GLI3: variants seen among roughly 807,000 people sequenced by gnomAD.
GLI3 encodes transcription activator GLI3.
GLI3 carries 20 observed loss-of-function variants against 100.8 expected under a neutral mutation model. The ratio of observed to expected loss-of-function variants is 0.20; its 90% CI spans 0.14 to 0.29. The LOEUF (loss-of-function observed/expected upper bound fraction) is 0.29. Among genes scored for constraint, GLI3 ranks in the 10% least tolerant of loss-of-function variants. The pLI is 1.00. For missense variants in GLI3, 2,040 were observed against 2,128.5 expected (o/e 0.96, Z 0.82); for synonymous variants, 938 against 860.5 (o/e 1.09, Z -1.58).
At chr7:42,242,285 C>T (rs1190310591), upstream of GLI3, among the ~76,000 whole-genome samples, 1 of 152,186 alleles carries the variant, frequency 6.6e-6, no homozygotes, top group East Asian at 1.9e-4. Flanking sequence ...CCTCATTTGG[C>T]CACAGTCGCT....
intron 2 of GLI3, chr7:42,151,653 G>C (rs926243668): frequency 6.6e-6 from 1 of 152,192 alleles, no homozygotes; most frequent in African/African-American, 2.4e-5. Context: ...ACAGCTGCAA[G>C]CTCGGGGGTC....
intron 3 of GLI3, among the ~76,000 whole-genome samples, chr7:42,129,551 C>T (rs1283216974): frequency 6.6e-6 from 1 of 152,194 alleles, no homozygotes; most frequent in Non-Finnish European, 1.5e-5. Flanking sequence ...TGGCTCACGC[C>T]TGTAATCCCA....
At chr7:42,074,980 C>G (rs928400677) in intron 4 of GLI3, among the ~76,000 whole-genome samples, 2 of 152,102 alleles carry the variant, frequency 1.3e-5, no homozygotes, top group African/African-American at 4.8e-5. Flanking sequence ...TGTGACTCCC[C>G]CGACTCTGCC....
intron 3 of GLI3, among the ~76,000 whole-genome samples, chr7:42,131,572 A>T (rs1394841586): frequency 1.3e-5 from 2 of 152,178 alleles, no homozygotes; most frequent in Admixed American, 1.3e-4. Flanking sequence ...TGCTTTCTAG[A>T]TCTTCAACTT....
At position 42,103,889 on chromosome 7, in the gene GLI3, A is replaced by G. The variant is rs916282246; in HGVS notation, c.368-27032T>C. On this transcript the variant is annotated intron_variant, in intron 3 of 14. Coordinates refer to ENST00000395925, the MANE Select transcript of GLI3 (RefSeq NM_000168.6). ...TGCTACAATCTGATAATGCATTACC[A>G]TGAACCATAAATAATAACAGAGTTA... is the stretch of plus-strand genomic sequence containing the variant. Among the ~76,000 whole-genome samples, 5 of 152,322 alleles carry G rather than the reference A, an allele frequency of 3.3e-5. No homozygotes were observed. The South Asian group carries it at 1.0e-3, about 32-fold the overall frequency.
chr7:42,153,612 T>C (rs769605569), intron 2 of GLI3, among the ~76,000 whole-genome samples: 17 of 152,130 alleles, frequency 1.1e-4, no homozygotes, highest in Non-Finnish European at 2.4e-4. Context: ...GACCGGAGGA[T>C]ACTCAGATTT....
chr7:41,976,866 T>C (rs1012447101), intron 12 of GLI3, among the ~76,000 whole-genome samples: 2 of 152,218 alleles, frequency 1.3e-5, no homozygotes, highest in Admixed American at 1.3e-4. Flanking sequence ...GCAATGAATT[T>C]GGAATAATTT....
chr7:42,029,447 A>C (rs1160590566), intron 7 of GLI3, among the ~76,000 whole-genome samples: 2 of 152,208 alleles, frequency 1.3e-5, no homozygotes, highest in African/African-American at 4.8e-5. Flanking sequence ...CCCATGAGAA[A>C]GGATGCCTCC....
chr7:41,977,975 A>G, intron 11 of GLI3: 2 of 537,676 alleles, frequency 3.7e-6, no homozygotes, highest in Non-Finnish European at 3.3e-6. Context: ...AATGTGGACA[A>G]TGGGTTTCAT....
rs753737306 is a variant in GLI3 at position 42,223,133 on chromosome 7, T to C, written c.121A>G (p.Asn41Asp). ...TGGTAATCCCTGTGCTGCTCACCAT[T>C]AGAAGTGGTGCTGGAGGCAACGGCT... ...EKAVASSTTS[N>D]EDESPGQTYH... The change falls in exon 2 of 15, where the codon AAT becomes GAT. Residue 41 changes from asparagine (N) to aspartate (D), a missense_variant. Physicochemically the swap from Asn to Asp is conservative, Grantham distance 23 (BLOSUM62 1). This residue lies in a region of GLI3 where 603 missense variants were observed against 690.9 expected (regional missense o/e 0.87). Transcript: ENST00000395925. 3 of 1,613,854 alleles carry C rather than the reference T, an allele frequency of 1.9e-6. No individual in the cohort carries two copies. Among genetic ancestry groups the C allele is most frequent in the East Asian group, 2.2e-5 (1 of 44,884 alleles).
chr7:42,114,284 G>C (rs1785791468), intron 3 of GLI3, among the ~76,000 whole-genome samples: 2 of 152,122 alleles, frequency 1.3e-5, no homozygotes. Context: ...GACTTATTGG[G>C]TTTTATCTTG....
chr7:42,182,638 G>A lies in GLI3; in HGVS notation c.125-34170C>T, dbSNP rs1787616142. On this transcript the variant is annotated intron_variant, in intron 2 of 14. Transcript: ENST00000395925. ...CACATTTTTATATGCATATGTATAT[G>A]TGTGTGTATATATATATATATATAT... is the stretch of plus-strand genomic sequence containing the variant. 5.4e-5 allele frequency among the ~76,000 whole-genome samples: 3 copies of A among 55,576 alleles called. No homozygotes were observed. In the Admixed American group the frequency reaches 7.0e-4, roughly 13 times the overall value. 36.5% of individuals were successfully genotyped at this position (55,576 alleles called of 152,430 possible).
intron 6 of GLI3, among the ~76,000 whole-genome samples, chr7:42,040,781 C>T (rs1784120004): frequency 6.6e-6 from 1 of 152,220 alleles, no homozygotes; most frequent in South Asian, 2.1e-4. Flanking sequence ...ACTAAAACAA[C>T]TTCTACATAA....
In GLI3 at chr7:41,964,700, C is replaced by T; in HGVS notation, c.4373G>A (p.Gly1458Asp). The change falls in exon 15 of 15, where the codon GGT becomes GAT. Residue 1458 changes from glycine to aspartate, a missense_variant. By Grantham distance (94) the Gly-to-Asp change is moderately conservative. Transcript: ENST00000395925. ...VGFSQQDTKA[G>D]SFSISDASCL... ...GCTGGCGTCTGAAATAGAGAATGAACCAGCTTTCGTGTCTTGCTGACTGAA... is the reference window on the plus strand; with the variant it reads ...GCTGGCGTCTGAAATAGAGAATGAATCAGCTTTCGTGTCTTGCTGACTGAA... 6.2e-7 allele frequency: 1 copy of T among 1,614,196 alleles called. No homozygotes were observed. The highest frequency in any genetic ancestry group is 8.5e-7 in the Non-Finnish European group (1 of 1,180,022).
At chr7:42,193,784 CTT>C in intron 2 of GLI3, among the ~76,000 whole-genome samples, 1 of 152,252 alleles carries the variant, frequency 6.6e-6, no homozygotes, top group East Asian at 1.9e-4. Context: ...AAAAATAACT[CTT>C]GATTACGAAA....
chr7:41,977,035 T>C (rs1469522604), intron 12 of GLI3, among the ~76,000 whole-genome samples: 1 of 152,208 alleles, frequency 6.6e-6, no homozygotes, highest in Admixed American at 6.5e-5. Flanking sequence ...TCCTTTGGAA[T>C]TTAGAATGTC....
chr7:41,965,966 G>A lies in GLI3; in HGVS notation c.3107C>T (p.Ala1036Val), dbSNP rs774552566. The A allele has an allele frequency of 6.0e-5, 96 of 1,609,024 alleles. No individual in the cohort carries two copies. Among genetic ancestry groups the A allele is most frequent in the Middle Eastern group, 3.3e-4 (2 of 6,060 alleles). ...SLSSCNPPAM[A>V]TSAEKRSLVL... ...GAGACTGCGCTTCTCCGCGGACGTGGCCATCGCCGGGGGGTTGCAGCTGCT... is the reference window on the plus strand; with the variant it reads ...GAGACTGCGCTTCTCCGCGGACGTGACCATCGCCGGGGGGTTGCAGCTGCT... The change falls in exon 15 of 15, where the codon GCC becomes GTC. Residue 1036 changes from alanine to valine, a missense_variant. Transcript: ENST00000395925.
At chr7:42,195,921 C>T (rs1787919527) in intron 2 of GLI3, among the ~76,000 whole-genome samples, 1 of 152,164 alleles carries the variant, frequency 6.6e-6, no homozygotes, top group Admixed American at 6.5e-5. Context: ...TATCTTGGCT[C>T]TAACTAGAAT....
chr7:41,987,738 T>G (rs977087656), intron 10 of GLI3, among the ~76,000 whole-genome samples: 1 of 152,222 alleles, frequency 6.6e-6, no homozygotes, highest in Non-Finnish European at 1.5e-5. Context: ...CCATGATATA[T>G]TCTAAAATTT....
Sources: gnomAD v4.1 joint callset for allele counts (sites outside exome capture counted in the v4.1 genomes callset) on GRCh38, gnomAD v4.1.1 for gene constraint, gnomAD v4.1.1 regional missense constraint, MANE v1.5 for transcripts, NCBI Gene and HGNC (gene_info 2026-07-23, HGNC 2026-07-21) for gene names.